Variants in AHCYL2 observed in about 807,000 individuals in gnomAD.
The protein encoded by AHCYL2 is S-adenosylhomocysteine hydrolase-like protein 2.
In AHCYL2, 28 loss-of-function variants were observed where a neutral mutation model predicts 81.4. That is an observed-to-expected ratio of 0.34 (90% CI 0.25 to 0.47). AHCYL2 has a LOEUF of 0.47. AHCYL2 is among the 20% of genes least tolerant of loss of function. The pLI, the probability that AHCYL2 is intolerant of heterozygous loss-of-function variation, is 1.00. For missense variants in AHCYL2, 551 were observed against 785.1 expected, an observed-to-expected ratio of 0.70 and a Z score of 3.56; for synonymous variants, 272 against 290.2, an observed-to-expected ratio of 0.94 and a Z score of 0.64.
intron 1 of AHCYL2, among the ~76,000 whole-genome samples, chr7:129,227,709 C>T (rs145436633): frequency 4.0e-4 from 60 of 151,002 alleles, no homozygotes; most frequent in African/African-American, 1.4e-3. Flanking sequence ...CTTTCCTTGT[C>T]GTTGAACCAT....
At chr7:129,376,319 G>A (rs1410100179) in intron 1 of AHCYL2, among the ~76,000 whole-genome samples, 1 of 152,210 alleles carries the variant, frequency 6.6e-6, no homozygotes, top group Admixed American at 6.5e-5. Flanking sequence ...CTGGTCGTCA[G>A]AGAAAGATAC....
chr7:129,272,076 T>TTTGA (rs1563175256), intron 1 of AHCYL2, among the ~76,000 whole-genome samples: 1 of 152,194 alleles, frequency 6.6e-6, no homozygotes, highest in Non-Finnish European at 1.5e-5. Flanking sequence ...TCTAGGCCTA[T>TTTGA]TTGAACATTC....
chr7:129,376,591 A>C lies in AHCYL2; in HGVS notation c.364-3047A>C, dbSNP rs1794699503. Reference sequence around the variant, plus strand: ...CTCAGCTCAGATAAACTGGTTTGAGATGATAATGCAGCTAGATAGCTATAT... The same window carrying C: ...CTCAGCTCAGATAAACTGGTTTGAGCTGATAATGCAGCTAGATAGCTATAT... On this transcript the variant is annotated intron_variant, in intron 1 of 16. Transcript: ENST00000325006. 2.6e-5 allele frequency among the ~76,000 whole-genome samples: 4 copies of C among 152,246 alleles called. No homozygotes were observed. The South Asian group carries it at 8.3e-4, about 32-fold the overall frequency.
rs561649717 is a variant in AHCYL2, at chr7:129,302,446, T to C, written c.363+77007T>C. Among the ~76,000 whole-genome samples, 6 of 152,304 alleles carry C rather than the reference T, an allele frequency of 3.9e-5. No homozygotes were observed. The East Asian group carries it at 1.2e-3, about 29-fold the overall frequency. ...GGCATTGTTGTCATGTTCTAAATCT[T>C]AGAGGAAAGGCTTTCAGTTTTTCCC... On this transcript the variant is annotated intron_variant, in intron 1 of 16. Coordinates refer to ENST00000325006, the MANE Select transcript of AHCYL2 (RefSeq NM_015328.4).
At chr7:129,261,228 T>C (rs555926631) in intron 1 of AHCYL2, among the ~76,000 whole-genome samples, 3 of 152,386 alleles carry the variant, frequency 2.0e-5, no homozygotes, top group African/African-American at 7.2e-5. Flanking sequence ...TTTAATGATA[T>C]CTCTTATATC....
chr7:129,302,348 C>G (rs1226932784), intron 1 of AHCYL2, among the ~76,000 whole-genome samples: 3 of 151,804 alleles, frequency 2.0e-5, no homozygotes, highest in African/African-American at 7.3e-5. Flanking sequence ...TTTGAGTGCC[C>G]TTATATCTTT....
Position 129,370,566 on chromosome 7 carries a change from C to T in AHCYL2, c.364-9072C>T, listed in dbSNP as rs181772709. ...ACAAAAAATTAGCCGGGCGTGGTGG[C>T]GGGCGCCTATAGTCCCAGCTACTCT... On this transcript the variant is annotated intron_variant, in intron 1 of 16. Coordinates refer to ENST00000325006, the MANE Select transcript of AHCYL2 (RefSeq NM_015328.4). Among the ~76,000 whole-genome samples the T allele has an allele frequency of 3.8e-3, 575 of 152,174 alleles. 2 individuals are homozygous for T. The highest frequency in any genetic ancestry group is 5.1e-3 in the Non-Finnish European group (349 of 67,988).
chr7:129,328,203 A>G (rs535048242), intron 1 of AHCYL2, among the ~76,000 whole-genome samples: 91 of 152,172 alleles, frequency 6.0e-4, no homozygotes, highest in South Asian at 1.0e-3. Context: ...TTTGAGAGAG[A>G]GTCTTACTCT....
intron 5 of AHCYL2, among the ~76,000 whole-genome samples, chr7:129,398,178 T>TA (rs1563233542): frequency 6.6e-6 from 1 of 151,404 alleles, no homozygotes; most frequent in South Asian, 2.1e-4. Context: ...CCAGCTAATT[T>TA]AAAAAAAATG....
chr7:129,375,333 T>G (rs1012388646), intron 1 of AHCYL2, among the ~76,000 whole-genome samples: 2 of 76,246 alleles, frequency 2.6e-5, no homozygotes, highest in African/African-American at 5.4e-5. Flanking sequence ...CACCATTAAT[T>G]TTTTTTTCTT....
At position 129,397,251 on chromosome 7, in the gene AHCYL2, G is replaced by A. The variant is rs776666792; in HGVS notation, c.750G>A (p.Gly250=). The A allele has an allele frequency of 5.6e-6, 9 of 1,613,924 alleles. No individual in the cohort carries two copies. Among genetic ancestry groups the A allele is most frequent in the Non-Finnish European group, 7.6e-6 (9 of 1,179,988 alleles). The change falls in exon 5 of 17, where the codon GGG becomes GGA. Residue 250 remains glycine, a synonymous_variant. Coordinates refer to ENST00000325006, the MANE Select transcript of AHCYL2 (RefSeq NM_015328.4). ...AVLMETLGAL[G]AQCRWAACNI... is the part of the protein sequence containing the mutation. ...TTATGGAAACTCTGGGTGCTCTGGGGGCCCAGTGCCGATGGGCTGCCTGCA... is the reference window on the plus strand; with the variant it reads ...TTATGGAAACTCTGGGTGCTCTGGGAGCCCAGTGCCGATGGGCTGCCTGCA...
intron 2 of AHCYL2, among the ~76,000 whole-genome samples, chr7:129,384,774 T>C (rs1795128128): frequency 6.6e-6 from 1 of 152,204 alleles, no homozygotes; most frequent in Admixed American, 6.5e-5. Context: ...AGACTTTTCT[T>C]AATTTTCCAA....
At chr7:129,318,313 T>G (rs1194689322) in intron 1 of AHCYL2, among the ~76,000 whole-genome samples, 1 of 152,242 alleles carries the variant, frequency 6.6e-6, no homozygotes, top group African/African-American at 2.4e-5. Context: ...ATGGCTGGAC[T>G]TAAACTTCTG....
intron 7 of AHCYL2, among the ~76,000 whole-genome samples, 153 bp from the exon 8 acceptor site, chr7:129,404,944 C>G (rs1796230470): frequency 6.6e-6 from 1 of 152,138 alleles, no homozygotes; most frequent in African/African-American, 2.4e-5. Context: ...GAAAGATATT[C>G]TTTATTTCTC....
Position 129,406,192 on chromosome 7 carries a change from A to G in AHCYL2, c.1207-186A>G, listed in dbSNP as rs2150940251. On this transcript the variant is annotated intron_variant, in intron 9 of 16. Transcript: ENST00000325006. The surrounding 1 kb of genome is among the most constrained non-coding windows in gnomAD (Gnocchi z 4.3). Reference sequence around the variant, plus strand: ...TGTTCTTGTGCACATGAATGCGATAAGCAGGAGCCAGGGGTTTGTTTATGA... The same window carrying G: ...TGTTCTTGTGCACATGAATGCGATAGGCAGGAGCCAGGGGTTTGTTTATGA... Among the ~76,000 whole-genome samples, 1 of 152,020 alleles carries G rather than the reference A, an allele frequency of 6.6e-6. No individual in the cohort carries two copies. The highest frequency in any genetic ancestry group is 1.9e-4 in the East Asian group (1 of 5,164).
At chr7:129,349,053 C>T (rs960395005) in intron 1 of AHCYL2, among the ~76,000 whole-genome samples, 10 of 152,128 alleles carry the variant, frequency 6.6e-5, no homozygotes, top group African/African-American at 1.9e-4. Context: ...GACTTTTATT[C>T]CTCACAACTT....
chr7:129,225,307 C>T lies in AHCYL2; in HGVS notation c.231C>T (p.Ala77=), dbSNP rs1794170064. 5 of 1,479,100 alleles carry T rather than the reference C, an allele frequency of 3.4e-6. No individual in the cohort carries two copies. The South Asian group carries it at 3.8e-5, about 11-fold the overall frequency. 91.6% of individuals were successfully genotyped at this position (1,479,100 alleles called of 1,614,324 possible). Reference sequence around the variant, plus strand: ...CCGCCGCCGCTCTCAGCCCCGCCGCCGGGAAGGTGCCTCAGGCGTCGGCCA... The same window carrying T: ...CCGCCGCCGCTCTCAGCCCCGCCGCTGGGAAGGTGCCTCAGGCGTCGGCCA... The part of the protein sequence containing the change: ...SGPAAALSPA[A]GKVPQASAMK... The change falls in exon 1 of 17, where the codon GCC becomes GCT. Residue 77 remains alanine (A), a synonymous_variant. Transcript: ENST00000325006.
intron 1 of AHCYL2, among the ~76,000 whole-genome samples, chr7:129,259,979 G>C (rs1486333177): frequency 6.6e-6 from 1 of 151,938 alleles, no homozygotes; most frequent in Non-Finnish European, 1.5e-5. Context: ...GGGAGACTGA[G>C]GCAGGAGAAT....
chr7:129,397,743 C>G (rs933727139), intron 5 of AHCYL2, among the ~76,000 whole-genome samples: 10 of 152,336 alleles, frequency 6.6e-5, no homozygotes, highest in African/African-American at 2.4e-4. Context: ...GTAAAGAAGA[C>G]TTGACCTGGC....
Sources: allele counts gnomAD v4.1 joint callset (sites outside exome capture counted in the v4.1 genomes callset), GRCh38; gene constraint gnomAD v4.1.1; non-coding constraint Gnocchi (gnomAD v3.1); transcripts MANE v1.5; gene names NCBI Gene and HGNC (gene_info 2026-07-23, HGNC 2026-07-21).